Variants in MAPT observed in about 807,000 individuals in gnomAD.
The protein encoded by MAPT is microtubule-associated protein tau.
MAPT carries 34 observed loss-of-function variants against 67.9 expected under a neutral mutation model. That is an observed-to-expected ratio of 0.50 (90% confidence interval 0.38 to 0.67). The LOEUF (loss-of-function observed/expected upper bound fraction) is 0.67. Ranked by LOEUF, MAPT falls within the 30% of genes least tolerant of loss-of-function variation. The probability of loss-of-function intolerance (pLI) is 0.00; values close to 1 mark genes in which losing one functional copy is unlikely to be tolerated. For missense variants in MAPT, 881 were observed against 1,115.2 expected, an observed-to-expected ratio of 0.79 and a Z score of 2.99; for synonymous variants, 456 against 464.5, an observed-to-expected ratio of 0.98 and a Z score of 0.23.
Position 45,962,487 on chromosome 17 carries a change from G to A in MAPT, c.133+17G>A. 1 of 1,612,152 alleles carries A rather than the reference G, an allele frequency of 6.2e-7. No homozygotes were observed. The highest frequency in any genetic ancestry group is 8.5e-7 in the Non-Finnish European group (1 of 1,179,712). ...GCCTGAAAGGTTAGTGGACAGCCAT[G>A]CACAGCAGGCCCAGATCACTGCAAG... On this transcript the variant is annotated intron_variant, in intron 2 of 12. Transcript: ENST00000262410.
At chr17:45,974,199 A>C (rs539749418) in intron 3 of MAPT, 1 of 631,032 alleles carries the variant, frequency 1.6e-6, no homozygotes, top group South Asian at 1.8e-5. Flanking sequence ...ACTCAGCAGC[A>C]TGTCAGTGTG....
At chr17:46,003,121 T>G (rs954485172) in intron 9 of MAPT, among the ~76,000 whole-genome samples, 2 of 150,666 alleles carry the variant, frequency 1.3e-5, no homozygotes, top group East Asian at 2.0e-4. Flanking sequence ...TGTGTGTGTG[T>G]GGGCGCACTC....
Position 45,906,606 on chromosome 17 carries a change from G to A in MAPT, c.-18+11920G>A, listed in dbSNP as rs756511806. 2.0e-5 allele frequency among the ~76,000 whole-genome samples: 3 copies of A among 152,070 alleles called. No homozygotes were observed. The highest frequency in any genetic ancestry group is 4.4e-5 in the Non-Finnish European group (3 of 68,010). ...TTCTCCGGAGCGTGGATGGTGGGAGGTATTTCAGGGTGTATGCATAACCCC... is the reference window on the plus strand; with the variant it reads ...TTCTCCGGAGCGTGGATGGTGGGAGATATTTCAGGGTGTATGCATAACCCC... On this transcript the variant is annotated intron_variant, in intron 1 of 12. Transcript: ENST00000262410. This position sits in a 1 kb window ranked among gnomAD's most constrained non-coding sequence, Gnocchi z 4.3.
At chr17:45,957,452 T>G (rs2069865546) in intron 1 of MAPT, among the ~76,000 whole-genome samples, 1 of 152,206 alleles carries the variant, frequency 6.6e-6, no homozygotes, top group Non-Finnish European at 1.5e-5. Context: ...ATCTGTCTGA[T>G]CAAAAGAGGC....
At chr17:45,961,850 A>T (rs1449247294) in intron 1 of MAPT, among the ~76,000 whole-genome samples, 1 of 150,642 alleles carries the variant, frequency 6.6e-6, no homozygotes, top group East Asian at 2.0e-4. Flanking sequence ...ATCTCAGCTC[A>T]CTGCAACCTC....
At position 46,024,466 on chromosome 17, in the gene MAPT, T is replaced by C; in HGVS notation, c.*295T>C. On this transcript the variant is annotated 3_prime_UTR_variant, in exon 13 of 13. Transcript: ENST00000262410. ...ATCCAACATTTCCTCAGGCAATTCCTTTTGATTCTTTTTTCTTCCCCCTCC... is the reference window on the plus strand; with the variant it reads ...ATCCAACATTTCCTCAGGCAATTCCCTTTGATTCTTTTTTCTTCCCCCTCC... The C allele has an allele frequency of 4.0e-6, 2 of 493,916 alleles. No individual in the cohort carries two copies. The highest frequency in any genetic ancestry group is 3.7e-6 in the Non-Finnish European group (1 of 270,636). The allele number at this position is 493,916 out of a possible 1,614,324, so 30.6% of individuals were successfully genotyped here.
At chr17:45,986,703 C>T (rs1176017726) in intron 5 of MAPT, among the ~76,000 whole-genome samples, 1 of 152,166 alleles carries the variant, frequency 6.6e-6, no homozygotes, top group Non-Finnish European at 1.5e-5. Context: ...AGGGCAGGAG[C>T]CTGTGGGTTA....
intron 1 of MAPT, among the ~76,000 whole-genome samples, chr17:45,905,355 A>T (rs2064232991): frequency 6.6e-6 from 1 of 152,190 alleles, no homozygotes; most frequent in African/African-American, 2.4e-5. Flanking sequence ...TGCCTGAGAA[A>T]AGGCCAGTGG....
Position 46,028,013 on chromosome 17 carries a change from C to G in MAPT, c.*3842C>G, listed in dbSNP as rs892857790. On this transcript the variant is annotated 3_prime_UTR_variant, in exon 13 of 13. Transcript: ENST00000262410. Reference sequence around the variant, plus strand: ...GGGCAGAGGTGATCACCTGCGTGTCCCATCTACAGACCTGCAGCTTCATAA... The same window carrying G: ...GGGCAGAGGTGATCACCTGCGTGTCGCATCTACAGACCTGCAGCTTCATAA... 2 of 155,482 alleles carry G rather than the reference C, an allele frequency of 1.3e-5. No homozygotes were observed. The highest frequency in any genetic ancestry group is 2.4e-5 in the African/African-American group (1 of 41,512). The allele number at this position is 155,482 out of a possible 1,614,324, so 9.6% of individuals were successfully genotyped here. A position where few individuals can be genotyped will look rare whatever the true frequency, so the allele number is the denominator to read the frequency against.
At chr17:45,982,134 C>T (rs191370391) in intron 4 of MAPT, among the ~76,000 whole-genome samples, 15 of 151,702 alleles carry the variant, frequency 9.9e-5, no homozygotes, top group Non-Finnish European at 1.5e-5. Context: ...CTATCCTGGC[C>T]AACATGGTGA....
At chr17:45,930,022 AC>A (rs1190218689) in intron 1 of MAPT, among the ~76,000 whole-genome samples, 1 of 152,102 alleles carries the variant, frequency 6.6e-6, no homozygotes, top group Non-Finnish European at 1.5e-5. Flanking sequence ...TCTGGGCCTG[AC>A]CACCAAGCCA....
chr17:45,926,452 G>T (rs1054986963), intron 1 of MAPT, among the ~76,000 whole-genome samples: 2 of 152,020 alleles, frequency 1.3e-5, no homozygotes, highest in East Asian at 1.9e-4. Context: ...GGGACCACAG[G>T]TGCATACCAC....
At chr17:45,973,097 T>C (rs62063774) in intron 3 of MAPT, 21,991 of 152,218 alleles carry the variant, frequency 0.14, 2,141 homozygotes, top group Non-Finnish European at 0.22. Flanking sequence ...TCTTGTGTCT[T>C]GGGGTGAAAA....
chr17:45,923,870 T>C (rs2066002127), intron 1 of MAPT, among the ~76,000 whole-genome samples: 1 of 152,154 alleles, frequency 6.6e-6, no homozygotes, highest in South Asian at 2.1e-4. Context: ...TCGCTCAACC[T>C]CTCCATGCCT....
chr17:45,970,596 C>CGTTG (rs1423105054), intron 2 of MAPT, among the ~76,000 whole-genome samples: 6 of 152,396 alleles, frequency 3.9e-5, no homozygotes, highest in Non-Finnish European at 8.8e-5. Flanking sequence ...CTTTTACCAA[C>CGTTG]ATTCACTCAT....
Position 45,896,811 on chromosome 17 carries a change from G to C in MAPT, c.-18+2125G>C, listed in dbSNP as rs1002476641. 6.5e-6 allele frequency: 1 copy of C among 152,814 alleles called. No individual in the cohort carries two copies. The allele number at this position is 152,814 out of a possible 1,614,324, so 9.5% of individuals were successfully genotyped here. A position where few individuals can be genotyped will look rare whatever the true frequency, so the allele number is the denominator to read the frequency against. On this transcript the variant is annotated intron_variant, in intron 1 of 12. Coordinates refer to ENST00000262410, the MANE Select transcript of MAPT (RefSeq NM_001377265.1). This position sits in a 1 kb window ranked among gnomAD's most constrained non-coding sequence, Gnocchi z 5.6. ...CCAAGTTCACCGCGCCCCCAAAACC[G>C]AGTCTGGGGCGGCAGGGGGAACTCC...
intron 1 of MAPT, among the ~76,000 whole-genome samples, chr17:45,903,120 C>T (rs1414626761): frequency 6.6e-6 from 1 of 152,174 alleles, no homozygotes; most frequent in Non-Finnish European, 1.5e-5. Context: ...GTCATGTGCT[C>T]TACAGACGCC....
chr17:46,014,077 C>T (rs1429545593), intron 10 of MAPT, among the ~76,000 whole-genome samples, 166 bp from the exon 11 acceptor site: 1 of 152,216 alleles, frequency 6.6e-6, no homozygotes, highest in Non-Finnish European at 1.5e-5. Context: ...CTAGGATGTG[C>T]TCCTCATGGC....
intron 6 of MAPT, among the ~76,000 whole-genome samples, chr17:45,989,495 A>G (rs1215648193): frequency 8.9e-6 from 1 of 112,246 alleles, no homozygotes; most frequent in African/African-American, 2.7e-5. Context: ...CTAAAAATAC[A>G]AAAAAACGAG....
Sources: gnomAD v4.1 joint callset for allele counts (sites outside exome capture counted in the v4.1 genomes callset) on GRCh38, gnomAD v4.1.1 for gene constraint, Gnocchi (gnomAD v3.1) non-coding constraint, MANE v1.5 for transcripts, NCBI Gene and HGNC (gene_info 2026-07-23, HGNC 2026-07-21) for gene names.